HHAT: variants seen among roughly 807,000 people sequenced by gnomAD.
HHAT encodes the protein hedgehog acyltransferase, also known as protein-cysteine N-palmitoyltransferase HHAT.
HHAT carries 47 observed loss-of-function variants against 70.8 expected under a neutral mutation model. The observed-to-expected ratio is 0.66, with a 90% CI of 0.53 to 0.85. HHAT has a LOEUF of 0.85. Among genes scored for constraint, HHAT ranks in the 40% least tolerant of loss-of-function variants. The probability of loss-of-function intolerance (pLI) is 0.00; values close to 1 mark genes in which losing one functional copy is unlikely to be tolerated. For missense variants in HHAT, 609 were observed against 604.8 expected, an observed-to-expected ratio of 1.01 and a Z score of -0.07; for synonymous variants, 228 against 247.6, an observed-to-expected ratio of 0.92 and a Z score of 0.74.
Position 210,328,923 on chromosome 1 carries a change from C to A in HHAT, c.-225C>A. On this transcript the variant is annotated 5_prime_UTR_variant, in exon 1 of 12. Transcript: ENST00000261458. ...GCGCGGGCACGGCGGCAGGGGCGTGCTCGGAGGACGCGCGCTGCGCTGCTC... is the reference window on the plus strand; with the variant it reads ...GCGCGGGCACGGCGGCAGGGGCGTGATCGGAGGACGCGCGCTGCGCTGCTC... The A allele has an allele frequency of 1.0e-6, 1 of 1,000,446 alleles. No individual in the cohort carries two copies. Among genetic ancestry groups the A allele is most frequent in the South Asian group, 4.3e-5 (1 of 23,408 alleles). The allele number at this position is 1,000,446 out of a possible 1,614,324, so 62.0% of individuals were successfully genotyped here.
chr1:210,398,592 G>A (rs2091914030), intron 4 of HHAT, among the ~76,000 whole-genome samples: 1 of 152,156 alleles, frequency 6.6e-6, no homozygotes, highest in Admixed American at 6.5e-5. Flanking sequence ...TCAGTCTGTG[G>A]TAAGTTCCCA....
In HHAT at chr1:210,336,287, A is replaced by ATTTTTTTTTTTTTTTTTTTT. The variant is rs541795412; in HGVS notation, c.-44+7187_-44+7206dup. Among the ~76,000 whole-genome samples, 145 of 84,584 alleles carry ATTTTTTTTTTTTTTTTTTTT rather than the reference A, an allele frequency of 1.7e-3. 13 individuals are homozygous for ATTTTTTTTTTTTTTTTTTTT. The highest frequency in any genetic ancestry group is 7.0e-3 in the Middle Eastern group (1 of 142). 55.5% of individuals were successfully genotyped at this position (84,584 alleles called of 152,430 possible). On this transcript the variant is annotated intron_variant, in intron 1 of 11. Coordinates refer to ENST00000261458, the MANE Select transcript of HHAT (RefSeq NM_018194.6). ...AGGCATGCACCACTGTGCCTGGCTA[A>ATTTTTTTTTTTTTTTTTTTT]TTTTTTTTTTTTTTTTTTTTTTTAG...
chr1:210,509,431 C>CA (rs1479750937), intron 8 of HHAT, among the ~76,000 whole-genome samples: 1 of 152,152 alleles, frequency 6.6e-6, no homozygotes, highest in Admixed American at 6.5e-5. Flanking sequence ...ATTTATTCCT[C>CA]AAAACCAAGG....
intron 8 of HHAT, among the ~76,000 whole-genome samples, chr1:210,488,929 C>T (rs1469054102): frequency 2.6e-5 from 4 of 152,156 alleles, no homozygotes; most frequent in African/African-American, 9.7e-5. Context: ...ACAGACATAG[C>T]AAAGAAGCCA....
At chr1:210,478,034 T>A (rs534206502) in intron 8 of HHAT, among the ~76,000 whole-genome samples, 7 of 152,322 alleles carry the variant, frequency 4.6e-5, no homozygotes, top group African/African-American at 1.7e-4. Context: ...GTCCCCTTCT[T>A]GCAGTCTGGT....
At chr1:210,448,841 A>G (rs1430356356) in intron 7 of HHAT, among the ~76,000 whole-genome samples, 1 of 152,154 alleles carries the variant, frequency 6.6e-6, no homozygotes, top group Non-Finnish European at 1.5e-5. Context: ...ATTTCTAGAT[A>G]AGGTGGACCT....
At chr1:210,563,770 G>A (rs1273615334) in intron 9 of HHAT, among the ~76,000 whole-genome samples, 1 of 152,088 alleles carries the variant, frequency 6.6e-6, no homozygotes, top group Non-Finnish European at 1.5e-5. Flanking sequence ...AGTTACTTGG[G>A]CTGGCCTCCT....
Position 210,675,913 on chromosome 1 carries a change from AG to A in HHAT, c.*1536del, listed in dbSNP as rs1196650485. The stretch of plus-strand genomic sequence containing the variant: ...TAATTCCGGGGTGCTCAGAAGTTTT[AG>A]GAGGGGATGAGCCTCAGGGAGGAGT... On this transcript the variant is annotated 3_prime_UTR_variant, in exon 12 of 12. Transcript: ENST00000261458. The A allele has an allele frequency of 1.3e-5, 2 of 152,232 alleles. No homozygotes were observed. Among genetic ancestry groups the A allele is most frequent in the Non-Finnish European group, 2.9e-5 (2 of 68,078 alleles). 9.4% of individuals were successfully genotyped at this position (152,232 alleles called of 1,614,324 possible). A position where few individuals can be genotyped will look rare whatever the true frequency, so the allele number is the denominator to read the frequency against.
chr1:210,489,327 C>G (rs2094517586), intron 8 of HHAT, among the ~76,000 whole-genome samples: 1 of 152,176 alleles, frequency 6.6e-6, no homozygotes, highest in Admixed American at 6.5e-5. Flanking sequence ...AAGAAAGTAA[C>G]TGGAGACAGG....
chr1:210,353,079 G>A (rs2087208101), intron 2 of HHAT, among the ~76,000 whole-genome samples: 1 of 151,944 alleles, frequency 6.6e-6, no homozygotes, highest in African/African-American at 2.4e-5. Flanking sequence ...GGGACTACAG[G>A]TGCATGCCAC....
intron 9 of HHAT, among the ~76,000 whole-genome samples, chr1:210,520,019 T>TTTTTTTGTTTTTTG (rs61475047): frequency 6.9e-6 from 1 of 145,536 alleles, no homozygotes; most frequent in Non-Finnish European, 1.5e-5. Flanking sequence ...AAACCCTTTG[T>TTTTTTTGTTTTTTG]TTTTTTGTTT....
intron 9 of HHAT, among the ~76,000 whole-genome samples, chr1:210,572,176 C>A (rs766081116): frequency 6.6e-6 from 1 of 152,092 alleles, no homozygotes; most frequent in South Asian, 2.1e-4. Flanking sequence ...TAAAAGGTGC[C>A]GTCTCTGATA....
At chr1:210,613,050 C>T (rs1666913554) in intron 10 of HHAT, among the ~76,000 whole-genome samples, 3 of 152,104 alleles carry the variant, frequency 2.0e-5, no homozygotes, top group Non-Finnish European at 4.4e-5. Flanking sequence ...GATCTTTTCT[C>T]CCATTCCTGG....
chr1:210,362,932 T>C lies in HHAT; in HGVS notation c.159+13T>C, dbSNP rs2088511316. On this transcript the variant is annotated intron_variant, in intron 3 of 11. Transcript: ENST00000261458. ...AGGATTAAAGAAGGTACAAAGTGGA[T>C]GCATAATAAATCTCAGTTTTCAAAC... 6 of 1,586,530 alleles carry C rather than the reference T, an allele frequency of 3.8e-6. No individual in the cohort carries two copies. The highest frequency in any genetic ancestry group is 5.2e-6 in the Non-Finnish European group (6 of 1,154,966).
Position 210,547,113 on chromosome 1 carries a change from T to A in HHAT, c.1043+33925T>A, listed in dbSNP as rs184809696. Among the ~76,000 whole-genome samples, 97 of 152,210 alleles carry A rather than the reference T, an allele frequency of 6.4e-4. 1 individual carries two copies. In the East Asian group the frequency reaches 0.017, roughly 26 times the overall value. ...GGGAGGGTGAGGTGGGTGGATCTCC[T>A]GAGGTTAGGAGTTCGAGACCAGTCT... On this transcript the variant is annotated intron_variant, in intron 9 of 11. Coordinates refer to ENST00000261458, the MANE Select transcript of HHAT (RefSeq NM_018194.6).
chr1:210,665,688 C>T (rs1678743848), intron 11 of HHAT, among the ~76,000 whole-genome samples: 1 of 152,210 alleles, frequency 6.6e-6, no homozygotes, highest in Non-Finnish European at 1.5e-5. Context: ...AAGGGACAGA[C>T]ATCATTCAGA....
chr1:210,649,407 C>G (rs1573993065), intron 11 of HHAT, among the ~76,000 whole-genome samples: 1 of 152,252 alleles, frequency 6.6e-6, no homozygotes, highest in Non-Finnish European at 1.5e-5. Context: ...GCTGGAGAGG[C>G]CTGAGTGGGT....
At chr1:210,605,047 GAAAT>G (rs1665106355) in intron 10 of HHAT, among the ~76,000 whole-genome samples, 1 of 142,768 alleles carries the variant, frequency 7.0e-6, no homozygotes, top group Non-Finnish European at 1.5e-5. Flanking sequence ...CAACAACAAA[GAAAT>G]TGAAAGATAG....
At chr1:210,380,812 G>A (rs1182408355) in intron 3 of HHAT, among the ~76,000 whole-genome samples, 2 of 152,060 alleles carry the variant, frequency 1.3e-5, no homozygotes, top group Non-Finnish European at 2.9e-5. Context: ...GTGCTGTGGG[G>A]TCAGAGGGGT....
Sources: allele counts gnomAD v4.1 joint callset (sites outside exome capture counted in the v4.1 genomes callset), GRCh38; gene constraint gnomAD v4.1.1; transcripts MANE v1.5; gene names NCBI Gene and HGNC (gene_info 2026-07-23, HGNC 2026-07-21).